SYNPO2: variants seen among roughly 807,000 people sequenced by gnomAD.
SYNPO2 encodes synaptopodin 2.
In SYNPO2, 56 loss-of-function variants were observed where a neutral mutation model predicts 85.0. The ratio of observed to expected loss-of-function variants is 0.66; its 90% confidence interval spans 0.53 to 0.82. The LOEUF is 0.82. Ranked by LOEUF, SYNPO2 falls within the 40% of genes least tolerant of loss-of-function variation. SYNPO2 has a pLI of 0.00. For missense variants in SYNPO2, 1,575 were observed against 1,534.2 expected (o/e 1.03, Z -0.44); for synonymous variants, 602 against 591.1 (o/e 1.02, Z -0.27).
intron 4 of SYNPO2, chr4:119,032,495 T>C (rs1738321907): frequency 9.8e-7 from 1 of 1,021,810 alleles, no homozygotes; most frequent in African/African-American, 1.7e-5. Flanking sequence ...CTTATCTCTA[T>C]TACTAGTGTT....
Position 118,890,167 on chromosome 4 carries a change from G to T in SYNPO2, c.105+1026G>T, listed in dbSNP as rs1489025773. Among the ~76,000 whole-genome samples, 301 of 134,754 alleles carry T rather than the reference G, an allele frequency of 2.2e-3. 1 individual carries two copies. The highest frequency in any genetic ancestry group is 7.6e-3 in the Middle Eastern group (2 of 262). The allele number at this position is 134,754 out of a possible 152,430, so 88.4% of individuals were successfully genotyped here. A position where few individuals can be genotyped will look rare whatever the true frequency, so the allele number is the denominator to read the frequency against. On this transcript the variant is annotated intron_variant, in intron 1 of 4. Transcript: ENST00000307142. ...GTTATTGTTTCCCTCTGCCTTTTAC[G>T]TTTTTTTTTTTTTAGTGTCCTTTGC...
At chr4:119,022,463 G>A (rs1737757127) in intron 1 of SYNPO2, among the ~76,000 whole-genome samples, 2 of 147,602 alleles carry the variant, frequency 1.4e-5, no homozygotes, top group Non-Finnish European at 3.0e-5. Flanking sequence ...GTGTGGCTAG[G>A]ATCACAGGCA....
intron 1 of SYNPO2, among the ~76,000 whole-genome samples, chr4:118,943,289 G>T (rs1301807697): frequency 6.6e-6 from 1 of 152,200 alleles, no homozygotes; most frequent in Non-Finnish European, 1.5e-5. Context: ...AAGGGGAAAA[G>T]TAATTTTCAG....
chr4:119,027,154 T>C lies in SYNPO2; in HGVS notation c.785T>C (p.Ile262Thr), dbSNP rs1737995799. ...CTGAGGTCCAGCAAGATAATCCAGA[T>C]CTCCAGTGGCAGAGAGTTGAGAGTG... Reference protein sequence around the residue: ...PFLRSSKIIQISSGRELRVIQ... With the variant: ...PFLRSSKIIQTSSGRELRVIQ... Residue 262 changes from isoleucine to threonine, a missense_variant, in exon 3 of 5, where the codon ATC becomes ACC. Physicochemically the swap from Ile to Thr is moderately conservative, Grantham distance 89. Transcript: ENST00000307142. The C allele has an allele frequency of 3.1e-6, 5 of 1,613,928 alleles. No individual in the cohort carries two copies. The highest frequency in any genetic ancestry group is 2.7e-5 in the African/African-American group (2 of 74,874).
chr4:118,864,074 C>T (rs10018977), intron 1 of SYNPO2, among the ~76,000 whole-genome samples: 8,478 of 152,176 alleles, frequency 0.056, 273 homozygotes, highest in Non-Finnish European at 0.064. Flanking sequence ...TTCTTCTTTT[C>T]TGATGTGGGC....
At chr4:118,861,583 C>A (rs754932543) in intron 1 of SYNPO2, among the ~76,000 whole-genome samples, 2 of 152,162 alleles carry the variant, frequency 1.3e-5, no homozygotes, top group South Asian at 4.1e-4. Context: ...TCCCCAGCAC[C>A]ATTTATTGAA....
At chr4:118,921,723 G>A (rs1733543627) in intron 1 of SYNPO2, among the ~76,000 whole-genome samples, 1 of 151,676 alleles carries the variant, frequency 6.6e-6, no homozygotes, top group African/African-American at 2.4e-5. Flanking sequence ...TCTTTCTATT[G>A]CCACTTAAGC....
chr4:118,916,729 C>CTTTTTTTTTTTTTTTTTTTT (rs199715189), intron 1 of SYNPO2, among the ~76,000 whole-genome samples: 107 of 116,966 alleles, frequency 9.1e-4, no homozygotes, highest in East Asian at 1.2e-3. Context: ...ATTTTTCTTT[C>CTTTTTTTTTTTTTTTTTTTT]TTTTTTTTTT....
intron 1 of SYNPO2, among the ~76,000 whole-genome samples, chr4:118,856,367 A>G (rs1731506393): frequency 6.6e-6 from 1 of 152,202 alleles, no homozygotes; most frequent in Non-Finnish European, 1.5e-5. Context: ...TTTGAGATAC[A>G]TACAGATTTA....
At chr4:119,022,377 G>C (rs909915108) in intron 1 of SYNPO2, among the ~76,000 whole-genome samples, 2 of 152,008 alleles carry the variant, frequency 1.3e-5, no homozygotes, top group Non-Finnish European at 2.9e-5. Context: ...CTGTCCCCCA[G>C]GCTGGAGTGC....
rs576374225 is a variant in SYNPO2 at position 118,892,531 on chromosome 4, G to A, written c.105+3390G>A. Among the ~76,000 whole-genome samples the A allele has an allele frequency of 4.6e-5, 7 of 152,224 alleles. No homozygotes were observed. In the East Asian group the frequency reaches 1.3e-3, roughly 29 times the overall value. ...TATGAAACTCTCTCTTTTGGGACAT[G>A]TACTTATCTGGCCCTGTCTCAGGAC... On this transcript the variant is annotated intron_variant, in intron 1 of 4. Coordinates refer to ENST00000307142, the MANE Select transcript of SYNPO2 (RefSeq NM_133477.3).
intron 4 of SYNPO2, chr4:119,033,479 T>C (rs1738371431): frequency 1.0e-6 from 1 of 985,368 alleles, no homozygotes; most frequent in South Asian, 4.7e-5. Flanking sequence ...TAAGTCTGAG[T>C]CTGACCAACC....
At chr4:118,918,766 T>C (rs1560863009) in intron 1 of SYNPO2, among the ~76,000 whole-genome samples, 2 of 152,226 alleles carry the variant, frequency 1.3e-5, no homozygotes, top group Non-Finnish European at 2.9e-5. Flanking sequence ...AAGATTTTCA[T>C]TTGCCTTTCA....
chr4:119,033,328 T>C lies in SYNPO2; in HGVS notation c.3252+1301T>C, dbSNP rs1478849926. The C allele has an allele frequency of 3.0e-6, 3 of 985,432 alleles. No individual in the cohort carries two copies. In the South Asian group the frequency reaches 1.4e-4, roughly 46 times the overall value. The allele number at this position is 985,432 out of a possible 1,614,324, so 61.0% of individuals were successfully genotyped here. A position where few individuals can be genotyped will look rare whatever the true frequency, so the allele number is the denominator to read the frequency against. ...CTATTCTCTCACCTTCACTTTACTA[T>C]TTGTATTCGATGGACCAGGATAATT... On this transcript the variant is annotated intron_variant, in intron 4 of 4. Coordinates refer to ENST00000307142, the MANE Select transcript of SYNPO2 (RefSeq NM_133477.3).
intron 1 of SYNPO2, among the ~76,000 whole-genome samples, chr4:118,867,896 A>T (rs550622033): frequency 8.5e-4 from 129 of 152,302 alleles, no homozygotes; most frequent in Non-Finnish European, 1.4e-3. Flanking sequence ...AAAATGAAGT[A>T]AAATCAGTTT....
intron 1 of SYNPO2, among the ~76,000 whole-genome samples, chr4:118,878,823 G>A (rs1158105357): frequency 6.6e-6 from 1 of 152,204 alleles, no homozygotes; most frequent in Non-Finnish European, 1.5e-5. Flanking sequence ...CCAAATAAGG[G>A]AATAAAAGCT....
In SYNPO2 at chr4:119,033,670, C is replaced by T. The variant is rs998655734; in HGVS notation, c.3252+1643C>T. 63 of 985,230 alleles carry T rather than the reference C, an allele frequency of 6.4e-5. No homozygotes were observed. The Middle Eastern group carries it at 1.5e-3, about 24-fold the overall frequency. The allele number at this position is 985,230 out of a possible 1,614,324, so 61.0% of individuals were successfully genotyped here. ...AAATATCTGTATTCCTGCTCTTTTTCTGCTGTCACTGTCAATCTGCTATAT... is the reference window on the plus strand; with the variant it reads ...AAATATCTGTATTCCTGCTCTTTTTTTGCTGTCACTGTCAATCTGCTATAT... On this transcript the variant is annotated intron_variant, in intron 4 of 4. Coordinates refer to ENST00000307142, the MANE Select transcript of SYNPO2 (RefSeq NM_133477.3).
intron 1 of SYNPO2, among the ~76,000 whole-genome samples, chr4:119,007,579 C>A (rs1244489478): frequency 6.6e-6 from 1 of 151,848 alleles, no homozygotes; most frequent in African/African-American, 2.4e-5. Context: ...CTCTGTTCAT[C>A]ATTTATCAGC....
At chr4:118,879,541 G>A (rs879915143) in intron 1 of SYNPO2, among the ~76,000 whole-genome samples, 2 of 152,280 alleles carry the variant, frequency 1.3e-5, no homozygotes, top group East Asian at 1.9e-4. Context: ...TACAAACCAG[G>A]AAGAGGGCAC....
Sources: allele counts gnomAD v4.1 joint callset (sites outside exome capture counted in the v4.1 genomes callset), GRCh38; gene constraint gnomAD v4.1.1; transcripts MANE v1.5; gene names NCBI Gene and HGNC (gene_info 2026-07-23, HGNC 2026-07-21).